Variants in MCTP1 observed in about 807,000 individuals in gnomAD.
The protein encoded by MCTP1 is multiple C2 and transmembrane domain-containing protein 1.
MCTP1 carries 69 observed loss-of-function variants against 120.6 expected under a neutral mutation model. The observed-to-expected ratio is 0.57, with a 90% CI of 0.47 to 0.70. The LOEUF (loss-of-function observed/expected upper bound fraction) is 0.70, where lower values mean the gene tolerates loss of function less well. Among genes scored for constraint, MCTP1 ranks in the 30% least tolerant of loss-of-function variants. MCTP1 has a pLI of 0.00. For missense variants in MCTP1, 1,203 were observed against 1,248.8 expected, an observed-to-expected ratio of 0.96 and a Z score of 0.55; for synonymous variants, 529 against 493.1, an observed-to-expected ratio of 1.07 and a Z score of -0.96.
intron 2 of MCTP1, among the ~76,000 whole-genome samples, chr5:95,015,394 ATAGT>A (rs1168934127): frequency 1.1e-4 from 16 of 152,088 alleles, no homozygotes; most frequent in African/African-American, 2.7e-4. Context: ...AAATATTGTC[ATAGT>A]TAAAGACTTT....
intron 20 of MCTP1, among the ~76,000 whole-genome samples, chr5:94,712,981 AAAAAT>A (rs547360462): frequency 2.0e-4 from 31 of 152,228 alleles, no homozygotes; most frequent in Admixed American, 8.5e-4. Flanking sequence ...AGCTGTTAGA[AAAAAT>A]AAAATAAAAT....
intron 17 of MCTP1, among the ~76,000 whole-genome samples, chr5:94,800,455 T>C (rs1029415613): frequency 1.3e-5 from 2 of 152,120 alleles, no homozygotes; most frequent in Non-Finnish European, 2.9e-5. Context: ...CATGGGACAT[T>C]TGCAGTCTTC....
intron 5 of MCTP1, among the ~76,000 whole-genome samples, chr5:94,937,150 G>A (rs1425057562): frequency 1.3e-5 from 2 of 152,058 alleles, no homozygotes; most frequent in African/African-American, 4.8e-5. Context: ...GAAGAAAGAA[G>A]CCACAAGAGA....
In MCTP1 at chr5:95,277,519, C is replaced by T. The variant is rs184173726; in HGVS notation, c.720+6337G>A. Among the ~76,000 whole-genome samples the T allele has an allele frequency of 7.6e-4, 115 of 152,290 alleles. No individual in the cohort carries two copies. In the East Asian group the frequency reaches 0.012, roughly 16 times the overall value. ...GTCTTATCTCTGAACAGTTCTAGCC[C>T]ACCCATTCATCCCTTCATTCATTCA... On this transcript the variant is annotated intron_variant, in intron 1 of 22. Transcript: ENST00000515393.
intron 12 of MCTP1, among the ~76,000 whole-genome samples, chr5:94,879,055 C>T (rs1040448687): frequency 1.3e-5 from 2 of 151,934 alleles, no homozygotes; most frequent in Admixed American, 1.3e-4. Flanking sequence ...AAGAGCTAGA[C>T]CAAAAGCCTG....
chr5:94,822,571 A>G (rs921127640), intron 17 of MCTP1, among the ~76,000 whole-genome samples: 1 of 152,194 alleles, frequency 6.6e-6, no homozygotes, highest in South Asian at 2.1e-4. Context: ...TAGGGTATAT[A>G]CCCAGTAATG....
At chr5:95,278,231 G>T (rs1164199528) in intron 1 of MCTP1, among the ~76,000 whole-genome samples, 1 of 152,146 alleles carries the variant, frequency 6.6e-6, no homozygotes, top group Non-Finnish European at 1.5e-5. Flanking sequence ...AAAGGTTGAT[G>T]GTGAAGAGCA....
chr5:95,268,115 C>T lies in MCTP1; in HGVS notation c.720+15741G>A, dbSNP rs139240675. Reference sequence around the variant, plus strand: ...TACAATTCTCTGTACTCCTCTGATTCAGTTATCACAATTGTAATTGGTAAC... The same window carrying T: ...TACAATTCTCTGTACTCCTCTGATTTAGTTATCACAATTGTAATTGGTAAC... On this transcript the variant is annotated intron_variant, in intron 1 of 22. Transcript: ENST00000515393. Among the ~76,000 whole-genome samples, 426 of 152,368 alleles carry T rather than the reference C, an allele frequency of 2.8e-3. 1 individual carries two copies. Among genetic ancestry groups the T allele is most frequent in the African/African-American group, 9.6e-3 (399 of 41,588 alleles).
intron 1 of MCTP1, among the ~76,000 whole-genome samples, chr5:95,277,570 C>G (rs78013065): frequency 0.037 from 5,674 of 152,278 alleles, 176 homozygotes; most frequent in Non-Finnish European, 0.054. Flanking sequence ...GTAGTCTTCC[C>G]CTGAACTGTT....
chr5:95,101,097 A>AC, intron 1 of MCTP1, among the ~76,000 whole-genome samples: 1 of 152,334 alleles, frequency 6.6e-6, no homozygotes, highest in African/African-American at 2.4e-5. Flanking sequence ...AAGTAAAAAA[A>AC]AAACCAAACA....
chr5:95,122,649 T>C (rs1758329600), intron 1 of MCTP1, among the ~76,000 whole-genome samples: 1 of 152,176 alleles, frequency 6.6e-6, no homozygotes, highest in Admixed American at 6.5e-5. Context: ...CTCCTAGGTA[T>C]ACACCAAAGA....
At chr5:95,280,871 AT>A (rs923587400) in intron 1 of MCTP1, among the ~76,000 whole-genome samples, 23 of 151,590 alleles carry the variant, frequency 1.5e-4, no homozygotes, top group South Asian at 2.1e-4. Flanking sequence ...GTCCAAACTG[AT>A]TTTTTTTTCT....
At chr5:94,730,615 C>T (rs1205069580) in intron 19 of MCTP1, among the ~76,000 whole-genome samples, 1 of 152,134 alleles carries the variant, frequency 6.6e-6, no homozygotes, top group East Asian at 1.9e-4. Flanking sequence ...AGGAGGAGGA[C>T]ATGTTCTCAA....
At chr5:95,018,453 A>G (rs916072131) in intron 1 of MCTP1, among the ~76,000 whole-genome samples, 5 of 152,054 alleles carry the variant, frequency 3.3e-5, no homozygotes, top group Non-Finnish European at 5.9e-5. Context: ...CATTTAAACA[A>G]TCTTTACGGT....
intron 1 of MCTP1, among the ~76,000 whole-genome samples, chr5:95,053,660 C>A (rs558077103): frequency 1.3e-5 from 2 of 152,272 alleles, no homozygotes; most frequent in African/African-American, 4.8e-5. Flanking sequence ...AGAAGGAAAG[C>A]AATGTTTTCT....
At chr5:94,974,641 A>G (rs979866684) in intron 2 of MCTP1, among the ~76,000 whole-genome samples, 3 of 152,136 alleles carry the variant, frequency 2.0e-5, no homozygotes, top group African/African-American at 7.2e-5. Flanking sequence ...GAAAAAGCCT[A>G]TAATTAATTA....
At chr5:95,105,495 C>T (rs1757017697) in intron 1 of MCTP1, among the ~76,000 whole-genome samples, 1 of 152,156 alleles carries the variant, frequency 6.6e-6, no homozygotes, top group Admixed American at 6.5e-5. Flanking sequence ...CACATGGGCA[C>T]TTGTAACCCA....
chr5:95,002,091 C>T (rs1460004613), intron 2 of MCTP1, among the ~76,000 whole-genome samples: 1 of 152,196 alleles, frequency 6.6e-6, no homozygotes, highest in Admixed American at 6.5e-5. Context: ...AAGTCCCAAG[C>T]TTCCATTTAT....
At chr5:94,996,601 C>T (rs1039735143) in intron 2 of MCTP1, among the ~76,000 whole-genome samples, 2 of 152,092 alleles carry the variant, frequency 1.3e-5, no homozygotes, top group Admixed American at 6.6e-5. Flanking sequence ...AATGTAAATG[C>T]TAAGTAAATC....
Sources: allele counts gnomAD v4.1 joint callset (sites outside exome capture counted in the v4.1 genomes callset), GRCh38; gene constraint gnomAD v4.1.1; transcripts MANE v1.5; gene names NCBI Gene and HGNC (gene_info 2026-07-23, HGNC 2026-07-21).